The following COL4A4 variants were observed in gnomAD, a reference collection of about 807,000 sequenced individuals.
The protein encoded by COL4A4 is collagen alpha-4(IV) chain.
COL4A4 carries 105 observed loss-of-function variants against 192.9 expected under a neutral mutation model. The observed-to-expected ratio is 0.54, with a 90% CI of 0.46 to 0.64. The LOEUF is 0.64. COL4A4 is among the 30% of genes least tolerant of loss of function. The probability of loss-of-function intolerance (pLI) is 0.00; values close to 1 mark genes in which losing one functional copy is unlikely to be tolerated. For missense variants in COL4A4, 1,967 were observed against 2,169.3 expected, an observed-to-expected ratio of 0.91 and a Z score of 1.85; for synonymous variants, 762 against 769.9, an observed-to-expected ratio of 0.99 and a Z score of 0.17.
chr2:227,129,236 C>T (rs1174992084), intron 4 of COL4A4, among the ~76,000 whole-genome samples: 1 of 152,100 alleles, frequency 6.6e-6, no homozygotes, highest in Non-Finnish European at 1.5e-5. Context: ...TCAGTTCTGA[C>T]TTCAAGGTTT....
At chr2:226,995,806 T>C in the COL4A4 span, 14 of 415,558 alleles carry the variant, frequency 3.4e-5, no homozygotes, top group Admixed American at 2.9e-4. Context: ...GACTCAGCGA[T>C]GCCTCTGCCT....
rs551732129 is a variant in COL4A4 at position 227,095,760 on chromosome 2, T to C, written c.1205-1471A>G. On this transcript the variant is annotated intron_variant, in intron 19 of 47. Transcript: ENST00000396625. ...AAATACAAAAATTACCTGGGCATGG[T>C]GGCAGGTGCCTGTAATGCCAGCTAT... Among the ~76,000 whole-genome samples, 195 of 152,296 alleles carry C rather than the reference T, an allele frequency of 1.3e-3. 1 individual carries two copies. Among genetic ancestry groups the C allele is most frequent in the African/African-American group, 4.3e-3 (180 of 41,574 alleles).
intron 20 of COL4A4, among the ~76,000 whole-genome samples, chr2:227,090,374 T>C (rs1305447254): frequency 6.6e-6 from 1 of 152,182 alleles, no homozygotes; most frequent in Non-Finnish European, 1.5e-5. Flanking sequence ...ATTTCAGAGA[T>C]GTCAGTTAAA....
At position 227,059,445 on chromosome 2, in the gene COL4A4, T is replaced by C; in HGVS notation, c.2343A>G (p.Ile781Met). 2 of 1,614,150 alleles carry C rather than the reference T, an allele frequency of 1.2e-6. No individual in the cohort carries two copies. The highest frequency in any genetic ancestry group is 1.7e-6 in the Non-Finnish European group (2 of 1,180,026). ...GKRGLSGVPG[I>M]KGPRGDPGCP... ...ATCCCGGATCACCTCTGGGTCCTTT[T>C]ATCCCTGGCACTCCTGAAAGACCCC... Residue 781 changes from isoleucine to methionine, a missense_variant, in exon 28 of 48, where the codon ATA becomes ATG. Coordinates refer to ENST00000396625, the MANE Select transcript of COL4A4 (RefSeq NM_000092.5).
chr2:227,015,031 T>G lies in COL4A4; in HGVS notation c.4217-2734A>C, dbSNP rs1575754630. Among the ~76,000 whole-genome samples, 3 of 151,994 alleles carry G rather than the reference T, an allele frequency of 2.0e-5. No homozygotes were observed. In the South Asian group the frequency reaches 6.3e-4, roughly 32 times the overall value. On this transcript the variant is annotated intron_variant, in intron 44 of 47. Coordinates refer to ENST00000396625, the MANE Select transcript of COL4A4 (RefSeq NM_000092.5). ...CTCCTGCCTCAGCCTCCTGAGTAGC[T>G]GGGACTACAGGTGCACGCCACCAAG... is the stretch of plus-strand genomic sequence containing the variant.
chr2:226,981,368 AAAAT>A, the COL4A4 span, among the ~76,000 whole-genome samples: 139 of 152,242 alleles, frequency 9.1e-4, no homozygotes, highest in Non-Finnish European at 1.5e-3. Flanking sequence ...AGTATAATAA[AAAAT>A]AAATAAATAA....
intron 44 of COL4A4, 54 bp downstream of exon 44, chr2:227,021,994 T>A: frequency 1.9e-6 from 3 of 1,583,480 alleles, no homozygotes; most frequent in Non-Finnish European, 2.6e-6. Context: ...GATCTAGAAT[T>A]TCATTTCAGC....
At chr2:227,132,246 C>G (rs2062524073) in intron 4 of COL4A4, among the ~76,000 whole-genome samples, 1 of 152,138 alleles carries the variant, frequency 6.6e-6, no homozygotes, top group Non-Finnish European at 1.5e-5. Flanking sequence ...CCTGATGTGA[C>G]TTGAGCACCT....
At chr2:227,135,450 G>A (rs1362884048) in intron 4 of COL4A4, among the ~76,000 whole-genome samples, 1 of 152,166 alleles carries the variant, frequency 6.6e-6, no homozygotes, top group Non-Finnish European at 1.5e-5. Flanking sequence ...AAGGGAATTT[G>A]AACTATGTGA....
At chr2:226,995,803 C>T in the COL4A4 span, 11 of 426,484 alleles carry the variant, frequency 2.6e-5, no homozygotes, top group African/African-American at 1.4e-4. Context: ...GCTGACTCAG[C>T]GATGCCTCTG....
intron 3 of COL4A4, 85 bp downstream of exon 3, chr2:227,144,431 G>A (rs574946425): frequency 1.7e-6 from 2 of 1,160,862 alleles, no homozygotes; most frequent in South Asian, 1.3e-5. Flanking sequence ...GTCCCAGAGG[G>A]TGATTTCTTT....
chr2:227,089,301 C>T (rs1192493245), intron 21 of COL4A4, among the ~76,000 whole-genome samples: 1 of 151,842 alleles, frequency 6.6e-6, no homozygotes, highest in Non-Finnish European at 1.5e-5. Context: ...CACCACAATG[C>T]ATTTTCCAAT....
Position 227,144,387 on chromosome 2 carries a change from G to C in COL4A4, c.114+129C>G. The C allele has an allele frequency of 3.9e-6, 3 of 763,190 alleles. No individual in the cohort carries two copies. The South Asian group carries it at 4.7e-5, about 12-fold the overall frequency. The allele number at this position is 763,190 out of a possible 1,614,324, so 47.3% of individuals were successfully genotyped here. A position where few individuals can be genotyped will look rare whatever the true frequency, so the allele number is the denominator to read the frequency against. Reference sequence around the variant, plus strand: ...TAAAAGAAATCTTAGAGTTTATTTAGTCCTATTCTCCATTTTACAGGTAAG... The same window carrying C: ...TAAAAGAAATCTTAGAGTTTATTTACTCCTATTCTCCATTTTACAGGTAAG... On this transcript the variant is annotated intron_variant, in intron 3 of 47. Coordinates refer to ENST00000396625, the MANE Select transcript of COL4A4 (RefSeq NM_000092.5).
At position 227,007,213 on chromosome 2, in the gene COL4A4, A is replaced by T. The variant is rs868129690; in HGVS notation, c.*112T>A. 7.0e-7 allele frequency: 1 copy of T among 1,425,344 alleles called. No individual in the cohort carries two copies. Among genetic ancestry groups the T allele is most frequent in the Admixed American group, 1.7e-5 (1 of 59,726 alleles). 88.3% of individuals were successfully genotyped at this position (1,425,344 alleles called of 1,614,324 possible). ...GAATAACCACGACAAAACAGAAGGA[A>T]CCACTGAAAGGGAGTCCAAAATGAG... is the stretch of plus-strand genomic sequence containing the variant. On this transcript the variant is annotated 3_prime_UTR_variant, in exon 48 of 48. Transcript: ENST00000396625.
chr2:227,099,966 T>C (rs542722815), intron 17 of COL4A4, among the ~76,000 whole-genome samples: 1 of 152,370 alleles, frequency 6.6e-6, no homozygotes, highest in South Asian at 2.1e-4. Context: ...ATAAATTGGA[T>C]ACCTCTGATG....
At chr2:227,015,027 T>C (rs1559413589) in intron 44 of COL4A4, among the ~76,000 whole-genome samples, 1 of 151,704 alleles carries the variant, frequency 6.6e-6, no homozygotes, top group Non-Finnish European at 1.5e-5. Flanking sequence ...GCCTCCTGAG[T>C]AGCTGGGACT....
At chr2:227,113,185 A>G (rs762081549) in intron 8 of COL4A4, among the ~76,000 whole-genome samples, 3 of 152,340 alleles carry the variant, frequency 2.0e-5, no homozygotes, top group Middle Eastern at 3.4e-3. Flanking sequence ...CCCGTAATGC[A>G]TAAGGCTCCA....
chr2:227,008,426 G>C, intron 46 of COL4A4, 122 bp from the exon 47 acceptor site: 2 of 1,136,906 alleles, frequency 1.8e-6, no homozygotes, highest in Non-Finnish European at 2.6e-6. Context: ...CCTCGCCAAA[G>C]CCTGCTTCTG....
rs2063314366 is a variant in COL4A4, at chr2:227,142,871, G to C, written c.114+1645C>G. On this transcript the variant is annotated intron_variant, in intron 3 of 47. Coordinates refer to ENST00000396625, the MANE Select transcript of COL4A4 (RefSeq NM_000092.5). ...ACACATAATTTTAAAAATTCAAATG[G>C]TGCCAAAGAGTGTAACAGGAAAACA... 2.0e-5 allele frequency among the ~76,000 whole-genome samples: 3 copies of C among 151,740 alleles called. No individual in the cohort carries two copies. The South Asian group carries it at 6.3e-4, about 32-fold the overall frequency.
Sources: allele counts gnomAD v4.1 joint callset (sites outside exome capture counted in the v4.1 genomes callset), GRCh38; gene constraint gnomAD v4.1.1; transcripts MANE v1.5; gene names NCBI Gene and HGNC (gene_info 2026-07-23, HGNC 2026-07-21).